ANO3: variants seen among roughly 807,000 people sequenced by gnomAD.
ANO3 encodes the protein anoctamin-3.
A neutral mutation model predicts 144.8 loss-of-function variants in ANO3; 99 were observed. The observed-to-expected ratio is 0.68, with a 90% CI of 0.58 to 0.81. The LOEUF is 0.81. Ranked by LOEUF, ANO3 falls within the 30% of genes least tolerant of loss-of-function variation. ANO3 has a pLI of 0.00. For synonymous variants in ANO3, 414 were observed against 392.6 expected (o/e 1.05, Z -0.64); for missense variants, 905 against 1,202.2 (o/e 0.75, Z 3.66).
rs74352046 is a variant in ANO3, at chr11:26,450,652, C to T, written c.313+6816C>T. Among the ~76,000 whole-genome samples the T allele has an allele frequency of 1.8e-3, 270 of 152,212 alleles. 5 individuals are homozygous for T. Among genetic ancestry groups the T allele is most frequent in the East Asian group, 0.011 (56 of 5,176 alleles). Reference sequence around the variant, plus strand: ...ACACACCATCTTTGCCTGAGTTTTCCGATTTGAGAAATGGAGATATCAATA... The same window carrying T: ...ACACACCATCTTTGCCTGAGTTTTCTGATTTGAGAAATGGAGATATCAATA... On this transcript the variant is annotated intron_variant, in intron 3 of 26. Coordinates refer to ENST00000256737, the MANE Select transcript of ANO3 (RefSeq NM_031418.4).
chr11:26,210,274 G>C (rs1378018035), intron 1 of ANO3, among the ~76,000 whole-genome samples: 1 of 152,124 alleles, frequency 6.6e-6, no homozygotes, highest in Admixed American at 6.5e-5. Context: ...TGTCAGGTTT[G>C]TCAAAGATCA....
chr11:26,226,406 A>T, intron 1 of ANO3, among the ~76,000 whole-genome samples: 1 of 152,120 alleles, frequency 6.6e-6, no homozygotes, highest in Non-Finnish European at 1.5e-5. Context: ...TCTGTTAAAG[A>T]TTATTTCATC....
intron 6 of ANO3, among the ~76,000 whole-genome samples, chr11:26,520,345 A>T (rs191376347): frequency 3.9e-5 from 6 of 152,154 alleles, no homozygotes; most frequent in African/African-American, 1.4e-4. Flanking sequence ...GTAAAAGAAG[A>T]GTTCTACTAT....
At chr11:26,230,990 T>C (rs1852385387) in intron 1 of ANO3, among the ~76,000 whole-genome samples, 3 of 150,476 alleles carry the variant, frequency 2.0e-5, no homozygotes, top group African/African-American at 7.3e-5. Context: ...GTGATTCTCC[T>C]GCCTCAGCCT....
chr11:26,579,556 T>G (rs760238096), intron 14 of ANO3, among the ~76,000 whole-genome samples: 15 of 152,198 alleles, frequency 9.9e-5, no homozygotes, highest in Non-Finnish European at 2.1e-4. Flanking sequence ...TGAAAACATA[T>G]GGTTAGCTAA....
chr11:26,479,374 C>T (rs758173077), intron 4 of ANO3, among the ~76,000 whole-genome samples: 10 of 152,156 alleles, frequency 6.6e-5, no homozygotes, highest in Admixed American at 5.2e-4. Context: ...TCTGCTCTCA[C>T]GCTGCTAATA....
At chr11:26,364,993 C>T (rs1856026626) in intron 1 of ANO3, among the ~76,000 whole-genome samples, 1 of 152,140 alleles carries the variant, frequency 6.6e-6, no homozygotes, top group South Asian at 2.1e-4. Flanking sequence ...TTAATTTCAC[C>T]CATGAACATA....
intron 1 of ANO3, among the ~76,000 whole-genome samples, chr11:26,369,111 A>G (rs1458240357): frequency 6.6e-6 from 1 of 152,070 alleles, no homozygotes; most frequent in African/African-American, 2.4e-5. Flanking sequence ...CTAAAGCAAT[A>G]GAAATATTTT....
intron 1 of ANO3, among the ~76,000 whole-genome samples, chr11:26,209,660 C>T (rs1384923743): frequency 2.0e-5 from 3 of 152,124 alleles, no homozygotes; most frequent in African/African-American, 7.2e-5. Flanking sequence ...CTGTTTATTC[C>T]TGACTTTTGA....
At chr11:26,264,451 G>A (rs1337393688) in intron 1 of ANO3, among the ~76,000 whole-genome samples, 1 of 152,114 alleles carries the variant, frequency 6.6e-6, no homozygotes, top group Non-Finnish European at 1.5e-5. Context: ...TGTGCCAGCT[G>A]CTCTGATTTA....
chr11:26,190,750 G>T (rs2133902158), intron 1 of ANO3, among the ~76,000 whole-genome samples: 1 of 152,210 alleles, frequency 6.6e-6, no homozygotes, highest in Non-Finnish European at 1.5e-5. Flanking sequence ...CACATCTATA[G>T]TGCAGGTATA....
chr11:26,294,024 A>G (rs11029496), intron 1 of ANO3, among the ~76,000 whole-genome samples: 3,387 of 152,270 alleles, frequency 0.022, 64 homozygotes, highest in East Asian at 0.12. Flanking sequence ...GTTTGGTGGA[A>G]GAGTCCACAG....
At chr11:26,538,297 G>A (rs892245087) in intron 10 of ANO3, among the ~76,000 whole-genome samples, 3 of 152,096 alleles carry the variant, frequency 2.0e-5, no homozygotes, top group Admixed American at 6.6e-5. Flanking sequence ...GATATCAAAG[G>A]CGCAGTTTTG....
rs117896969 is a variant in ANO3, at chr11:26,563,740, C to T, written c.1447+3961C>T. ...ACCATAAACAAATAAGAAGTCACTACAAGGAAAAATCAGTGTATCCTGATA... is the reference window on the plus strand; with the variant it reads ...ACCATAAACAAATAAGAAGTCACTATAAGGAAAAATCAGTGTATCCTGATA... On this transcript the variant is annotated intron_variant, in intron 14 of 26. Coordinates refer to ENST00000256737, the MANE Select transcript of ANO3 (RefSeq NM_031418.4). Among the ~76,000 whole-genome samples the T allele has an allele frequency of 3.6e-3, 541 of 151,818 alleles. 3 individuals carry two copies. The highest frequency in any genetic ancestry group is 0.01 in the Middle Eastern group (3 of 294).
At chr11:26,570,918 A>G (rs1590564337) in intron 14 of ANO3, among the ~76,000 whole-genome samples, 1 of 152,248 alleles carries the variant, frequency 6.6e-6, no homozygotes, top group East Asian at 1.9e-4. Flanking sequence ...CCAACTAGAA[A>G]AAGGATTGTG....
At chr11:26,659,695 T>C (rs1014399758) in intron 26 of ANO3, among the ~76,000 whole-genome samples, 10 of 152,066 alleles carry the variant, frequency 6.6e-5, no homozygotes, top group African/African-American at 2.4e-4. Context: ...AGATGCTGTC[T>C]CAAAGAAGTA....
chr11:26,658,017 G>A (rs757332327), intron 26 of ANO3, among the ~76,000 whole-genome samples: 1 of 151,988 alleles, frequency 6.6e-6, no homozygotes, highest in African/African-American at 2.4e-5. Context: ...ATGCTTTTGA[G>A]TTCTTACCCC....
intron 14 of ANO3, among the ~76,000 whole-genome samples, chr11:26,597,119 C>T (rs757594263): frequency 2.0e-5 from 3 of 152,114 alleles, no homozygotes; most frequent in Admixed American, 6.5e-5. Flanking sequence ...TATTACTCAC[C>T]GCTTTGGAGA....
At position 26,660,292 on chromosome 11, in the gene ANO3, G is replaced by C; in HGVS notation, c.2794G>C (p.Ala932Pro). The C allele has an allele frequency of 1.2e-6, 2 of 1,612,728 alleles. No individual in the cohort carries two copies. Among genetic ancestry groups the C allele is most frequent in the Middle Eastern group, 3.3e-4 (2 of 6,052 alleles). ...HLVFGIKSFI[A>P]YLIPDVPKGL... is the part of the protein sequence containing the mutation. ...TGTTTTTGGGATTAAGTCATTCATCGCATACCTGATTCCAGACGTACCAAA... is the reference window on the plus strand; with the variant it reads ...TGTTTTTGGGATTAAGTCATTCATCCCATACCTGATTCCAGACGTACCAAA... The change falls in exon 27 of 27, where the codon GCA (alanine) becomes CCA (proline). Residue 932 changes from alanine (A) to proline (P), a missense_variant. Ala to Pro is a conservative substitution (Grantham distance 27). Coordinates refer to ENST00000256737, the MANE Select transcript of ANO3 (RefSeq NM_031418.4).
Sources: allele counts gnomAD v4.1 joint callset (sites outside exome capture counted in the v4.1 genomes callset), GRCh38; gene constraint gnomAD v4.1.1; transcripts MANE v1.5; gene names NCBI Gene and HGNC (gene_info 2026-07-23, HGNC 2026-07-21).